CCSER1: variants seen among roughly 807,000 people sequenced by gnomAD.
The protein encoded by CCSER1 is coiled-coil serine rich protein 1.
Under a neutral mutation model 82.0 loss-of-function variants are expected in CCSER1, and 41 were observed. That is an observed-to-expected ratio of 0.50 (90% CI 0.39 to 0.65). The LOEUF is 0.65. CCSER1 is among the 30% of genes least tolerant of loss of function. The pLI is 0.00. For synonymous variants in CCSER1, 414 were observed against 383.9 expected (o/e 1.08, Z -0.92); for missense variants, 1,119 against 1,064.2 (o/e 1.05, Z -0.72).
intron 10 of CCSER1, among the ~76,000 whole-genome samples, chr4:91,363,016 G>A (rs566957355): frequency 7.9e-5 from 12 of 151,640 alleles, no homozygotes; most frequent in Non-Finnish European, 1.6e-4. Context: ...TATCCATCCT[G>A]GATTGCTGGC....
chr4:91,378,386 G>T (rs530107773), intron 10 of CCSER1, among the ~76,000 whole-genome samples: 1 of 152,146 alleles, frequency 6.6e-6, no homozygotes, highest in African/African-American at 2.4e-5. Flanking sequence ...CCATGAGCAT[G>T]GAATGTTCTT....
chr4:90,715,208 T>C (rs1741406272), intron 6 of CCSER1, among the ~76,000 whole-genome samples: 1 of 152,002 alleles, frequency 6.6e-6, no homozygotes, highest in Non-Finnish European at 1.5e-5. Context: ...AGTTAATATG[T>C]TGGCCAGTAT....
intron 6 of CCSER1, among the ~76,000 whole-genome samples, chr4:90,689,552 A>G (rs1026152678): frequency 6.6e-6 from 1 of 152,122 alleles, no homozygotes; most frequent in Non-Finnish European, 1.5e-5. Context: ...TATGCCAGGG[A>G]CAGGCTTTGG....
At chr4:91,409,000 G>A (rs1285754166) in intron 10 of CCSER1, among the ~76,000 whole-genome samples, 1 of 152,118 alleles carries the variant, frequency 6.6e-6, no homozygotes, top group Admixed American at 6.6e-5. Context: ...CTTATTTGCT[G>A]TGGGGGAAAA....
intron 10 of CCSER1, among the ~76,000 whole-genome samples, chr4:91,461,437 A>G (rs917783267): frequency 6.6e-6 from 1 of 152,184 alleles, no homozygotes; most frequent in Admixed American, 6.5e-5. Context: ...ATTTGCACAC[A>G]TGTAGTTTAG....
chr4:90,385,212 A>C (rs1165613030), intron 3 of CCSER1, among the ~76,000 whole-genome samples: 1 of 152,148 alleles, frequency 6.6e-6, no homozygotes, highest in Non-Finnish European at 1.5e-5. Flanking sequence ...TGTCTTTTTG[A>C]CATAATGACT....
At chr4:91,049,401 A>G (rs1272439701) in intron 9 of CCSER1, among the ~76,000 whole-genome samples, 4 of 152,190 alleles carry the variant, frequency 2.6e-5, no homozygotes, top group Admixed American at 6.5e-5. Flanking sequence ...CACACAACAA[A>G]TGGTGATATC....
intron 7 of CCSER1, among the ~76,000 whole-genome samples, chr4:90,738,838 C>G (rs910659027): frequency 3.3e-5 from 5 of 152,150 alleles, no homozygotes; most frequent in African/African-American, 4.8e-5. Flanking sequence ...GGTGAATGCT[C>G]TTGTCCTGAG....
chr4:91,379,122 G>A (rs554750783), intron 10 of CCSER1, among the ~76,000 whole-genome samples: 1 of 152,296 alleles, frequency 6.6e-6, no homozygotes, highest in Non-Finnish European at 1.5e-5. Context: ...TGGTGGATGA[G>A]CTTTTTGATG....
At chr4:90,507,403 AC>A (rs1254146498) in intron 5 of CCSER1, among the ~76,000 whole-genome samples, 2 of 152,094 alleles carry the variant, frequency 1.3e-5, no homozygotes, top group Admixed American at 6.5e-5. Context: ...TTTGAAAAAA[AC>A]ATACAACTAT....
chr4:91,205,507 C>T (rs1334184084), intron 10 of CCSER1, among the ~76,000 whole-genome samples: 1 of 151,776 alleles, frequency 6.6e-6, no homozygotes, highest in Non-Finnish European at 1.5e-5. Context: ...CTCATCATTA[C>T]CATGTAAATT....
chr4:90,191,034 A>C (rs1192404329), intron 1 of CCSER1, among the ~76,000 whole-genome samples: 1 of 151,934 alleles, frequency 6.6e-6, no homozygotes, highest in Non-Finnish European at 1.5e-5. Context: ...CATATCTAAA[A>C]ATATTTAAGG....
rs1412865354 is a variant in CCSER1, at chr4:91,605,286, AAAC to A, written c.*6235_*6237del. The stretch of plus-strand genomic sequence containing the variant: ...TATTTCCTGCTCATAATAAATTTTA[AAAC>A]AACAAATTAGTTGTGTGGTACCTGA... On this transcript the variant is annotated 3_prime_UTR_variant, in exon 11 of 11. Coordinates refer to ENST00000509176, the MANE Select transcript of CCSER1 (RefSeq NM_001145065.2). The A allele has an allele frequency of 6.6e-6, 1 of 152,120 alleles. No homozygotes were observed. Among genetic ancestry groups the A allele is most frequent in the African/African-American group, 2.4e-5 (1 of 41,454 alleles). The allele number at this position is 152,120 out of a possible 1,614,324, so 9.4% of individuals were successfully genotyped here. A position where few individuals can be genotyped will look rare whatever the true frequency, so the allele number is the denominator to read the frequency against.
rs529762315 is a variant in CCSER1, at chr4:90,530,254, C to A, written c.1724+61900C>A. Among the ~76,000 whole-genome samples, 46 of 152,164 alleles carry A rather than the reference C, an allele frequency of 3.0e-4. 1 individual carries two copies. Among genetic ancestry groups the A allele is most frequent in the South Asian group, 1.5e-3 (7 of 4,820 alleles). ...ATCAAGTCAGTAATCATAGTTTTTT[C>A]TGTTATTCTACTTAAAAGATTAACA... On this transcript the variant is annotated intron_variant, in intron 5 of 10. Transcript: ENST00000509176.
At chr4:90,903,404 T>C (rs905833109) in intron 8 of CCSER1, among the ~76,000 whole-genome samples, 2 of 152,132 alleles carry the variant, frequency 1.3e-5, no homozygotes, top group African/African-American at 4.8e-5. Flanking sequence ...TGAGGCCTCC[T>C]CAGCCGTCTG....
intron 10 of CCSER1, among the ~76,000 whole-genome samples, chr4:91,337,214 G>T (rs1412919446): frequency 1.3e-5 from 2 of 152,098 alleles, no homozygotes; most frequent in Non-Finnish European, 2.9e-5. Context: ...GACATTTAAT[G>T]AGTTTATTTG....
chr4:90,410,633 T>C (rs1298411107), intron 4 of CCSER1, among the ~76,000 whole-genome samples: 12 of 151,676 alleles, frequency 7.9e-5, no homozygotes, highest in East Asian at 1.9e-4. Flanking sequence ...CAAAGCAGTG[T>C]GTAGAGGGAA....
At chr4:90,541,534 A>G (rs958435938) in intron 5 of CCSER1, among the ~76,000 whole-genome samples, 1 of 152,122 alleles carries the variant, frequency 6.6e-6, no homozygotes. Flanking sequence ...GGTGAAAGTT[A>G]GCAAAGGAAT....
At chr4:91,309,578 C>A (rs1360243530) in intron 10 of CCSER1, among the ~76,000 whole-genome samples, 1 of 151,866 alleles carries the variant, frequency 6.6e-6, no homozygotes, top group Admixed American at 6.6e-5. Context: ...ATTGACTTGC[C>A]ACAAATGAAT....
Sources: allele counts gnomAD v4.1 joint callset (sites outside exome capture counted in the v4.1 genomes callset), GRCh38; gene constraint gnomAD v4.1.1; transcripts MANE v1.5; gene names NCBI Gene and HGNC (gene_info 2026-07-23, HGNC 2026-07-21).